MYH10: variants seen among roughly 807,000 people sequenced by gnomAD.
MYH10 encodes myosin-10.
In MYH10, 55 loss-of-function variants were observed where a neutral mutation model predicts 257.8. The observed-to-expected ratio is 0.21, with a 90% confidence interval of 0.17 to 0.27. MYH10 has a LOEUF of 0.27. Ranked by LOEUF, MYH10 falls within the 10% of genes least tolerant of loss-of-function variation. The probability of loss-of-function intolerance (pLI) is 1.00; values close to 1 mark genes in which losing one functional copy is unlikely to be tolerated. For missense variants in MYH10, 1,631 were observed against 2,500.6 expected (o/e 0.65, Z 7.42); for synonymous variants, 854 against 921.7 (o/e 0.93, Z 1.33).
chr17:8,629,213 G>T (rs866738725), intron 1 of MYH10, among the ~76,000 whole-genome samples: 3 of 152,158 alleles, frequency 2.0e-5, no homozygotes, highest in Non-Finnish European at 4.4e-5. Flanking sequence ...AGAATCCTCA[G>T]TTTCAACGTT....
Position 8,490,550 on chromosome 17 carries a change from A to G in MYH10, c.4674T>C (p.Val1558=). 1 of 1,613,900 alleles carries G rather than the reference A, an allele frequency of 6.2e-7. No homozygotes were observed. Among genetic ancestry groups the G allele is most frequent in the Non-Finnish European group, 8.5e-7 (1 of 1,179,830 alleles). ...MSSKDDVGKN[V]HELEKSKRAL... is the part of the protein sequence containing the mutation. ...CCCGTTTGGATTTTTCAAGTTCGTG[A>G]ACCTAAACCACCGAAGCATCAGGAA... is the stretch of plus-strand genomic sequence containing the variant. Residue 1558 remains valine (V), a splice_region_variant and synonymous_variant, in exon 35 of 43, where the codon GTT becomes GTC. Coordinates refer to ENST00000360416, the MANE Select transcript of MYH10 (RefSeq NM_001256012.3). This position sits in a 1 kb window ranked among gnomAD's most constrained non-coding sequence, Gnocchi z 4.1.
chr17:8,511,027 T>TATATATATATAC (rs2081256931), intron 24 of MYH10: 3 of 4,294 alleles, frequency 7.0e-4, no homozygotes, highest in Non-Finnish European at 4.0e-3. Flanking sequence ...TATATATATA[T>TATATATATATAC]ATATATATAT....
In MYH10 at chr17:8,504,469, CCT is replaced by C; in HGVS notation, c.3599+223_3599+224del. Among the ~76,000 whole-genome samples the C allele has an allele frequency of 6.6e-6, 1 of 152,202 alleles. No homozygotes were observed. Among genetic ancestry groups the C allele is most frequent in the East Asian group, 1.9e-4 (1 of 5,190 alleles). ...CAGCTTTTCCGATCACATCCATCTC[CCT>C]CTGTGTCCCTCAGTCTGCTGGTTTA... On this transcript the variant is annotated intron_variant, in intron 28 of 42. Coordinates refer to ENST00000360416, the MANE Select transcript of MYH10 (RefSeq NM_001256012.3). This position sits in a 1 kb window ranked among gnomAD's most constrained non-coding sequence, Gnocchi z 5.6.
intron 26 of MYH10, 79 bp downstream of exon 26, chr17:8,508,474 AT>A: frequency 6.4e-7 from 1 of 1,569,636 alleles, no homozygotes; most frequent in Non-Finnish European, 8.7e-7. Flanking sequence ...TATATTTTTT[AT>A]TTTTGCATGT....
chr17:8,564,609 G>A (rs1164716546), intron 7 of MYH10, among the ~76,000 whole-genome samples: 1 of 152,186 alleles, frequency 6.6e-6, no homozygotes, highest in African/African-American at 2.4e-5. Flanking sequence ...CAGGGCTAGG[G>A]AACCTTAGTT....
intron 2 of MYH10, among the ~76,000 whole-genome samples, chr17:8,613,946 A>C (rs777565294): frequency 2.0e-5 from 3 of 152,204 alleles, no homozygotes; most frequent in Non-Finnish European, 2.9e-5. Flanking sequence ...ACAACAGTCA[A>C]TTTTGCAAGA....
At chr17:8,479,084 T>C (rs948395422) in intron 40 of MYH10, among the ~76,000 whole-genome samples, 3 of 152,252 alleles carry the variant, frequency 2.0e-5, no homozygotes, top group African/African-American at 7.2e-5. Context: ...CTGTCAGTTA[T>C]ACTGAACATA....
chr17:8,514,394 A>G lies in MYH10; in HGVS notation c.2505-500T>C, dbSNP rs191215370. Among the ~76,000 whole-genome samples, 275 of 152,170 alleles carry G rather than the reference A, an allele frequency of 1.8e-3. 4 individuals are homozygous for G. The highest frequency in any genetic ancestry group is 6.5e-3 in the African/African-American group (269 of 41,488). On this transcript the variant is annotated intron_variant, in intron 21 of 42. Transcript: ENST00000360416. The stretch of plus-strand genomic sequence containing the variant: ...TTGCCGCAATGGAGCGCAGCACTCA[A>G]AAGCTACAATGGGGTTGTCAATGTC...
At chr17:8,525,573 T>C (rs1401878062) in intron 17 of MYH10, among the ~76,000 whole-genome samples, 2 of 152,236 alleles carry the variant, frequency 1.3e-5, no homozygotes, top group Admixed American at 6.5e-5. Flanking sequence ...AAGAGCACCA[T>C]GTTACTCTGG....
chr17:8,553,823 C>T, intron 8 of MYH10, 132 bp downstream of exon 8: 1 of 692,504 alleles, frequency 1.4e-6, no homozygotes, highest in Admixed American at 2.5e-5. Flanking sequence ...AGTATTTGAA[C>T]AAGGCATGCT....
chr17:8,525,530 CAGA>C (rs1443251314), intron 17 of MYH10, among the ~76,000 whole-genome samples: 1 of 152,174 alleles, frequency 6.6e-6, no homozygotes, highest in African/African-American at 2.4e-5. Context: ...CGAAGTTTAC[CAGA>C]AGAACAAATC....
At chr17:8,597,249 G>A (rs1221478104) in intron 3 of MYH10, among the ~76,000 whole-genome samples, 1 of 151,570 alleles carries the variant, frequency 6.6e-6, no homozygotes, top group East Asian at 2.0e-4. Context: ...TATGGGGAGG[G>A]TTTAGATGAG....
At chr17:8,560,522 G>GC (rs1437663879) in intron 7 of MYH10, 2 of 597,702 alleles carry the variant, frequency 3.3e-6, no homozygotes, top group African/African-American at 3.7e-5. Flanking sequence ...AACTCCTTTG[G>GC]CCCATGCAGC....
intron 7 of MYH10, chr17:8,560,986 C>G (rs2082972000): frequency 4.0e-6 from 2 of 504,026 alleles, no homozygotes; most frequent in Admixed American, 3.2e-5. Context: ...TGTGTTTGAT[C>G]TTAACCACCA....
chr17:8,479,737 A>C (rs895758585), intron 40 of MYH10, among the ~76,000 whole-genome samples: 5 of 152,224 alleles, frequency 3.3e-5, no homozygotes, highest in Non-Finnish European at 7.3e-5. Context: ...AATCCCTTCT[A>C]TGGGGAGAAG....
At chr17:8,484,383 TC>T in intron 36 of MYH10, 117 bp from the exon 37 acceptor site, 1 of 909,172 alleles carries the variant, frequency 1.1e-6, no homozygotes, top group Non-Finnish European at 1.6e-6. Flanking sequence ...ACTCAAGGCC[TC>T]AAGCATTGCT....
chr17:8,597,365 A>G (rs1402056769), intron 3 of MYH10, among the ~76,000 whole-genome samples: 1 of 151,604 alleles, frequency 6.6e-6, no homozygotes, highest in East Asian at 1.9e-4. Context: ...AAGAAAAAGA[A>G]TATCATAGGC....
At chr17:8,575,775 T>G (rs1293568135) in intron 6 of MYH10, among the ~76,000 whole-genome samples, 1 of 152,196 alleles carries the variant, frequency 6.6e-6, no homozygotes, top group Non-Finnish European at 1.5e-5. Flanking sequence ...AAGGATTAAA[T>G]CCAAGTATAG....
At chr17:8,610,137 A>G (rs539998743) in intron 2 of MYH10, among the ~76,000 whole-genome samples, 1 of 151,924 alleles carries the variant, frequency 6.6e-6, no homozygotes, top group Admixed American at 6.6e-5. Context: ...ATGACTCACT[A>G]CTGATCAATC....
Sources: allele counts gnomAD v4.1 joint callset (sites outside exome capture counted in the v4.1 genomes callset), GRCh38; gene constraint gnomAD v4.1.1; non-coding constraint Gnocchi (gnomAD v3.1); transcripts MANE v1.5; gene names NCBI Gene and HGNC (gene_info 2026-07-23, HGNC 2026-07-21).